The following ATM variants were observed in gnomAD, a reference collection of about 807,000 sequenced individuals.
The protein encoded by ATM is serine-protein kinase ATM.
Under a neutral mutation model 387.0 loss-of-function variants are expected in ATM, and 308 were observed. The observed-to-expected ratio is 0.80, with a 90% confidence interval of 0.73 to 0.87. ATM has a LOEUF of 0.87. Ranked by LOEUF, ATM falls within the 40% of genes least tolerant of loss-of-function variation. The pLI is 0.00. For missense variants in ATM, 3,312 were observed against 3,560.9 expected (o/e 0.93, Z 1.78); for synonymous variants, 1,156 against 1,187.3 (o/e 0.97, Z 0.54).
chr11:108,255,801 G>C (rs1052209782), intron 13 of ATM, among the ~76,000 whole-genome samples: 16 of 152,086 alleles, frequency 1.1e-4, no homozygotes, highest in Non-Finnish European at 1.5e-5. Context: ...AATAAGTCAA[G>C]GTTCCTATTC....
intron 38 of ATM, chr11:108,308,860 T>C: frequency 1.6e-6 from 1 of 640,126 alleles, no homozygotes; most frequent in East Asian, 2.8e-5. Flanking sequence ...CCTTAGAGTT[T>C]TATACCAGAT....
intron 18 of ATM, 81 bp downstream of exon 18, chr11:108,268,690 A>G (rs1311190652): frequency 3.0e-5 from 43 of 1,413,694 alleles, no homozygotes; most frequent in Non-Finnish European, 3.4e-5. Flanking sequence ...TGTAAGAATC[A>G]CATGGTGTCT....
intron 34 of ATM, among the ~76,000 whole-genome samples, chr11:108,300,408 T>C (rs2083363680): frequency 6.6e-6 from 1 of 152,222 alleles, no homozygotes; most frequent in Non-Finnish European, 1.5e-5. Flanking sequence ...TTGAGATTAC[T>C]TTTGCGTGCA....
intron 17 of ATM, 109 bp downstream of exon 17, chr11:108,267,451 A>G (rs1274560084): frequency 7.4e-6 from 7 of 946,956 alleles, no homozygotes; most frequent in Non-Finnish European, 1.2e-5. Flanking sequence ...TTCTCTTAGT[A>G]TAGCCTTTTA....
rs374756852 is a variant in ATM, at chr11:108,233,815, C to T, written c.332-1855C>T. ...TGAGTCATAATGGGGCCACTGCACTCCAGCTTGGGTGACAGAGCGAGATAT... is the reference window on the plus strand; with the variant it reads ...TGAGTCATAATGGGGCCACTGCACTTCAGCTTGGGTGACAGAGCGAGATAT... On this transcript the variant is annotated intron_variant, in intron 4 of 62. Coordinates refer to ENST00000675843, the MANE Select transcript of ATM (RefSeq NM_000051.4). Among the ~76,000 whole-genome samples, 7 of 152,094 alleles carry T rather than the reference C, an allele frequency of 4.6e-5. No individual in the cohort carries two copies. The East Asian group carries it at 7.7e-4, about 17-fold the overall frequency.
intron 60 of ATM, 139 bp downstream of exon 60, chr11:108,354,019 C>T: frequency 4.0e-6 from 3 of 747,324 alleles, no homozygotes; most frequent in Non-Finnish European, 6.9e-6. Context: ...AGTTTGAGTC[C>T]AGCCTAGGCA....
At chr11:108,231,878 C>A (rs866184347) in intron 4 of ATM, among the ~76,000 whole-genome samples, 11 of 152,060 alleles carry the variant, frequency 7.2e-5, no homozygotes, top group African/African-American at 2.4e-4. Flanking sequence ...TAGCTTCAAC[C>A]CCTTGTCAGA....
chr11:108,294,538 G>A (rs1335505279), intron 31 of ATM, among the ~76,000 whole-genome samples: 2 of 152,148 alleles, frequency 1.3e-5, no homozygotes, highest in African/African-American at 2.4e-5. Flanking sequence ...TCAGGAGTTC[G>A]AGACCAGCCT....
chr11:108,358,332 A>C (rs918622367), intron 61 of ATM, among the ~76,000 whole-genome samples: 4 of 143,376 alleles, frequency 2.8e-5, no homozygotes, highest in African/African-American at 1.0e-4. Context: ...GTGTACCTGA[A>C]AGTGATGGGG....
chr11:108,289,139 C>A (rs373786505), intron 28 of ATM, 36 bp downstream of exon 28: 6 of 1,574,338 alleles, frequency 3.8e-6, no homozygotes, highest in Middle Eastern at 2.0e-4. Context: ...ATAGAACATT[C>A]CTTCTTTTTT....
chr11:108,236,193 T>C, intron 5 of ATM: 1 of 283,788 alleles, frequency 3.5e-6, no homozygotes, highest in Non-Finnish European at 6.8e-6. Context: ...CAATGACACC[T>C]AAACTCAACC....
chr11:108,328,219 C>G (rs758340732), intron 48 of ATM, among the ~76,000 whole-genome samples: 3 of 152,078 alleles, frequency 2.0e-5, no homozygotes, highest in Non-Finnish European at 4.4e-5. Flanking sequence ...ATAAGTGTAA[C>G]ATGAAACACA....
At position 108,363,807 on chromosome 11, in the gene ATM, G is replaced by A. The variant is rs529551868; in HGVS notation, c.8851-1275G>A. On this transcript the variant is annotated intron_variant, in intron 61 of 62. Transcript: ENST00000675843. Reference sequence around the variant, plus strand: ...TCTAATATTTGCAAGTATGATTCCTGACACAAGCCCTTGGTTTTGAAGTAA... The same window carrying A: ...TCTAATATTTGCAAGTATGATTCCTAACACAAGCCCTTGGTTTTGAAGTAA... Among the ~76,000 whole-genome samples, 249 of 152,226 alleles carry A rather than the reference G, an allele frequency of 1.6e-3. 1 individual carries two copies. Among genetic ancestry groups the A allele is most frequent in the Non-Finnish European group, 3.1e-3 (212 of 68,012 alleles).
intron 54 of ATM, among the ~76,000 whole-genome samples, 164 bp from the exon 55 acceptor site, chr11:108,334,805 C>A (rs368704055): frequency 1.4e-4 from 21 of 152,246 alleles, no homozygotes; most frequent in South Asian, 6.2e-4. Context: ...GTTAAAGTTA[C>A]GAGCGTGAGC....
At chr11:108,321,267 T>C (rs1262621355) in intron 44 of ATM, 34 bp from the exon 45 acceptor site, 5 of 1,613,134 alleles carry the variant, frequency 3.1e-6, no homozygotes, top group Non-Finnish European at 4.2e-6. Context: ...ACCTCTTCTT[T>C]ATTTTCAGAG....
chr11:108,310,025 T>G (rs2084008120), intron 38 of ATM, 135 bp from the exon 39 acceptor site: 3 of 819,138 alleles, frequency 3.7e-6, no homozygotes, highest in Non-Finnish European at 5.8e-6. Context: ...TAGGTATATA[T>G]TGGGGAAATG....
rs587779876 is a variant in ATM, at chr11:108,245,021, A to G, written c.896A>G (p.Glu299Gly). 6.3e-7 allele frequency: 1 copy of G among 1,599,020 alleles called. No homozygotes were observed. The highest frequency in any genetic ancestry group is 8.5e-7 in the Non-Finnish European group (1 of 1,170,694). Reference protein sequence around the residue: ...IHHPKGAKTQEKGAYESTKWR... With the variant: ...IHHPKGAKTQGKGAYESTKWR... ...CATCCGAAAGGAGCCAAAACCCAAG[A>G]AAAAGGTATAAAGGAAATGTTTACT... Residue 299 changes from glutamate (E) to glycine (G), a missense_variant, in exon 7 of 63, where the codon GAA (glutamate) becomes GGA (glycine). This residue lies in a region of ATM where 1,791 missense variants were observed against 1,804.5 expected (regional missense o/e 0.99). Coordinates refer to ENST00000675843, the MANE Select transcript of ATM (RefSeq NM_000051.4).
At chr11:108,357,137 C>A (rs977917464) in intron 61 of ATM, among the ~76,000 whole-genome samples, 2 of 152,328 alleles carry the variant, frequency 1.3e-5, no homozygotes, top group East Asian at 3.9e-4. Context: ...ACTTGGGAAG[C>A]GCAAGGGTCA....
chr11:108,298,333 C>CT (rs1591696246), intron 33 of ATM, among the ~76,000 whole-genome samples: 1 of 152,176 alleles, frequency 6.6e-6, no homozygotes, highest in African/African-American at 2.4e-5. Context: ...ACAGTACTTC[C>CT]TTTTTTGTAG....
Sources: allele counts gnomAD v4.1 joint callset (sites outside exome capture counted in the v4.1 genomes callset), GRCh38; gene constraint gnomAD v4.1.1; regional missense constraint gnomAD v4.1.1; transcripts MANE v1.5; gene names NCBI Gene and HGNC (gene_info 2026-07-23, HGNC 2026-07-21).